TSPAN14: variants seen among roughly 807,000 people sequenced by gnomAD.
TSPAN14 encodes tetraspanin-14.
TSPAN14 carries 16 observed loss-of-function variants against 36.6 expected under a neutral mutation model. The ratio of observed to expected loss-of-function variants is 0.44; its 90% CI spans 0.30 to 0.66. The LOEUF is 0.66. Among genes scored for constraint, TSPAN14 ranks in the 30% least tolerant of loss-of-function variants. The pLI is 0.12. For synonymous variants in TSPAN14, 139 were observed against 143.8 expected (o/e 0.97, Z 0.24); for missense variants, 231 against 355.1 (o/e 0.65, Z 2.81).
exon 9 of TSPAN14, chr10:80,520,821 C>T (rs772219183): frequency 1.9e-6 from 1 of 533,466 alleles, no homozygotes; most frequent in Admixed American, 1.9e-5. Flanking sequence ...TCTTCAGCCT[C>T]TGTAGCACCA....
At chr10:80,507,589 T>G (rs1840367439) in intron 4 of TSPAN14, among the ~76,000 whole-genome samples, 1 of 152,224 alleles carries the variant, frequency 6.6e-6, no homozygotes, top group Non-Finnish European at 1.5e-5. Flanking sequence ...TTTTTAGCCC[T>G]GGGTGGGAGG....
At chr10:80,488,748 G>A (rs954181006) in intron 1 of TSPAN14, among the ~76,000 whole-genome samples, 1 of 152,170 alleles carries the variant, frequency 6.6e-6, no homozygotes, top group African/African-American at 2.4e-5. Flanking sequence ...GGTCAAGCCC[G>A]TTTCTTCTGT....
chr10:80,495,914 C>T (rs544235855), intron 2 of TSPAN14, among the ~76,000 whole-genome samples: 1 of 152,304 alleles, frequency 6.6e-6, no homozygotes, highest in Admixed American at 6.5e-5. Flanking sequence ...TGTGCCCCTA[C>T]AGTCATGCCT....
At chr10:80,491,002 A>G (rs1037879789) in intron 2 of TSPAN14, among the ~76,000 whole-genome samples, 3 of 152,158 alleles carry the variant, frequency 2.0e-5, no homozygotes, top group Non-Finnish European at 4.4e-5. Flanking sequence ...GGCATCTCCT[A>G]TGGGGACTGG....
chr10:80,458,841 G>A (rs971391374), intron 1 of TSPAN14, among the ~76,000 whole-genome samples: 2 of 151,906 alleles, frequency 1.3e-5, no homozygotes, highest in Admixed American at 6.6e-5. Context: ...AGTGTCCAGT[G>A]CCGCTCTCAA....
rs1220127793 is a variant in TSPAN14 at position 80,509,158 on chromosome 10, G to A, written c.280-143G>A. ...GTCACCCAGCTAACTCTAAGTGTGG[G>A]GTTCTGGGGCCCCGATGTGGGACTC... On this transcript the variant is annotated intron_variant, in intron 4 of 8. Transcript: ENST00000429989. The surrounding 1 kb of genome is among the most constrained non-coding windows in gnomAD (Gnocchi z 4.7). The A allele has an allele frequency of 1.3e-6, 1 of 753,464 alleles. No individual in the cohort carries two copies. The highest frequency in any genetic ancestry group is 2.1e-6 in the Non-Finnish European group (1 of 468,034). The allele number at this position is 753,464 out of a possible 1,614,324, so 46.7% of individuals were successfully genotyped here.
At chr10:80,491,721 A>C (rs1847933171) in intron 2 of TSPAN14, among the ~76,000 whole-genome samples, 2 of 152,196 alleles carry the variant, frequency 1.3e-5, no homozygotes, top group South Asian at 2.1e-4. Flanking sequence ...AGGGTGCTGC[A>C]GTGTTTTTGG....
intron 7 of TSPAN14, 55 bp downstream of exon 7, chr10:80,514,118 G>A: frequency 6.6e-7 from 1 of 1,513,482 alleles, no homozygotes; most frequent in South Asian, 1.2e-5. Flanking sequence ...ATTCCCTGTG[G>A]TTCAACATTC....
In TSPAN14 at chr10:80,499,472, G is replaced by A. The variant is rs371240890; in HGVS notation, c.82-5256G>A. 3.5e-4 allele frequency among the ~76,000 whole-genome samples: 53 copies of A among 152,296 alleles called. No homozygotes were observed. In the South Asian group the frequency reaches 7.7e-3, roughly 22 times the overall value. ...GCCTGACAGTGTGGGTCATTTGGCT[G>A]TAGAGCTGCACAACCCCAAAGCCCC... On this transcript the variant is annotated intron_variant, in intron 2 of 8. Transcript: ENST00000429989.
chr10:80,467,539 C>T (rs1389013816), intron 1 of TSPAN14, among the ~76,000 whole-genome samples: 1 of 152,086 alleles, frequency 6.6e-6, no homozygotes, highest in Non-Finnish European at 1.5e-5. Flanking sequence ...TAGCTGTAAC[C>T]CTTGGAGTTC....
At chr10:80,480,122 G>A (rs1847168285) in intron 1 of TSPAN14, among the ~76,000 whole-genome samples, 1 of 151,270 alleles carries the variant, frequency 6.6e-6, no homozygotes, top group Admixed American at 6.6e-5. Flanking sequence ...AAGAATGCTT[G>A]TGATTTTTGT....
At chr10:80,506,441 A>G (rs1840305789) in intron 3 of TSPAN14, among the ~76,000 whole-genome samples, 1 of 152,248 alleles carries the variant, frequency 6.6e-6, no homozygotes, top group South Asian at 2.1e-4. Flanking sequence ...CAGTTAAACT[A>G]TAACAGAGAT....
At chr10:80,473,781 G>A (rs1846698441) in intron 1 of TSPAN14, among the ~76,000 whole-genome samples, 2 of 150,740 alleles carry the variant, frequency 1.3e-5, no homozygotes, top group African/African-American at 2.4e-5. Context: ...AGTGTTTCTG[G>A]TGGCCCCTGG....
intron 1 of TSPAN14, among the ~76,000 whole-genome samples, chr10:80,474,994 C>T (rs1846777445): frequency 2.0e-5 from 3 of 152,148 alleles, no homozygotes; most frequent in Non-Finnish European, 4.4e-5. Context: ...AAATGGGCAT[C>T]GTCCAAACAG....
chr10:80,461,145 AC>A (rs1254934213), intron 1 of TSPAN14, among the ~76,000 whole-genome samples: 1 of 151,838 alleles, frequency 6.6e-6, no homozygotes, highest in African/African-American at 2.4e-5. Flanking sequence ...CCTCCTGTCT[AC>A]TTGATCAGAC....
chr10:80,501,115 T>C (rs1848490508), intron 2 of TSPAN14, among the ~76,000 whole-genome samples: 1 of 151,690 alleles, frequency 6.6e-6, no homozygotes, highest in African/African-American at 2.4e-5. Flanking sequence ...GTTTTTTTTT[T>C]TTTTCTTTTT....
chr10:80,476,409 G>GTTTTTTTTTTTTTT (rs60589813), intron 1 of TSPAN14, among the ~76,000 whole-genome samples: 2 of 85,046 alleles, frequency 2.4e-5, no homozygotes, highest in African/African-American at 8.5e-5. Context: ...TTGTTTTACT[G>GTTTTTTTTTTTTTT]TTTTTTTTTT....
chr10:80,458,622 G>A (rs1038989244), intron 1 of TSPAN14, among the ~76,000 whole-genome samples: 3 of 152,204 alleles, frequency 2.0e-5, no homozygotes, highest in Admixed American at 6.5e-5. Context: ...AGGGAGCTGC[G>A]TAGAATGAAG....
intron 1 of TSPAN14, among the ~76,000 whole-genome samples, chr10:80,464,082 C>G (rs562102625): frequency 6.6e-6 from 1 of 152,258 alleles, no homozygotes; most frequent in South Asian, 2.1e-4. Context: ...TAGTGGGTTC[C>G]AGCAACCTCA....
Sources: gnomAD v4.1 joint callset for allele counts (sites outside exome capture counted in the v4.1 genomes callset) on GRCh38, gnomAD v4.1.1 for gene constraint, Gnocchi (gnomAD v3.1) non-coding constraint, MANE v1.5 for transcripts, NCBI Gene and HGNC (gene_info 2026-07-23, HGNC 2026-07-21) for gene names.